The following VGLL4 variants were observed in gnomAD, a reference collection of about 807,000 sequenced individuals.
The protein encoded by VGLL4 is vestigial like family member 4.
Under a neutral mutation model 21.0 loss-of-function variants are expected in VGLL4, and 7 were observed. The observed-to-expected ratio is 0.33, with a 90% CI of 0.19 to 0.63. VGLL4 has a LOEUF of 0.63. Among genes scored for constraint, VGLL4 ranks in the 20% least tolerant of loss-of-function variants. The pLI, the probability that VGLL4 is intolerant of heterozygous loss-of-function variation, is 0.78. For synonymous variants in VGLL4, 222 were observed against 173.2 expected, an observed-to-expected ratio of 1.28 and a Z score of -2.21; for missense variants, 394 against 425.7, an observed-to-expected ratio of 0.93 and a Z score of 0.66.
Position 11,557,233 on chromosome 3 carries a change from A to AT in VGLL4, c.*1322dup. The stretch of plus-strand genomic sequence containing the variant: ...TAATTTCTAGTTAGTAGCTATTAAT[A>AT]TAGCAAATAATAAATGCAGTAATAA... On this transcript the variant is annotated 3_prime_UTR_variant, in exon 5 of 5. Coordinates refer to ENST00000430365, the MANE Select transcript of VGLL4 (RefSeq NM_001128219.3). 6.5e-6 allele frequency: 1 copy of AT among 152,826 alleles called. No individual in the cohort carries two copies. The highest frequency in any genetic ancestry group is 1.5e-5 in the Non-Finnish European group (1 of 68,054). 9.5% of individuals were successfully genotyped at this position (152,826 alleles called of 1,614,324 possible). A position where few individuals can be genotyped will look rare whatever the true frequency, so the allele number is the denominator to read the frequency against.
chr3:11,557,392 G>A lies in VGLL4; in HGVS notation c.*1164C>T, dbSNP rs1040361311. On this transcript the variant is annotated 3_prime_UTR_variant, in exon 5 of 5. Transcript: ENST00000430365. The stretch of plus-strand genomic sequence containing the variant: ...AGTTCAAAGGGAGCAGTTTCTGCAT[G>A]TAGGGAAGTTGGAAGACACAAACCC... 6.5e-6 allele frequency: 1 copy of A among 152,788 alleles called. No homozygotes were observed. The allele number at this position is 152,788 out of a possible 1,614,324, so 9.5% of individuals were successfully genotyped here.
At position 11,556,734 on chromosome 3, in the gene VGLL4, A is replaced by C. The variant is rs1270777617; in HGVS notation, c.*1822T>G. 6.5e-6 allele frequency: 1 copy of C among 152,836 alleles called. No individual in the cohort carries two copies. Among genetic ancestry groups the C allele is most frequent in the Non-Finnish European group, 1.5e-5 (1 of 68,052 alleles). 9.5% of individuals were successfully genotyped at this position (152,836 alleles called of 1,614,324 possible). A position where few individuals can be genotyped will look rare whatever the true frequency, so the allele number is the denominator to read the frequency against. Reference sequence around the variant, plus strand: ...AAAATACCTACAAATTTCTCTGTACATTCTTTACGCACAGCGTAACGATGG... The same window carrying C: ...AAAATACCTACAAATTTCTCTGTACCTTCTTTACGCACAGCGTAACGATGG... On this transcript the variant is annotated 3_prime_UTR_variant, in exon 5 of 5. Coordinates refer to ENST00000430365, the MANE Select transcript of VGLL4 (RefSeq NM_001128219.3).
intron 1 of VGLL4, among the ~76,000 whole-genome samples, chr3:11,634,467 G>A (rs2075547622): frequency 6.6e-6 from 1 of 152,128 alleles, no homozygotes; most frequent in Admixed American, 6.5e-5. Flanking sequence ...CAGTGCACCA[G>A]GTTCACATCC....
chr3:11,624,219 T>TCCC (rs2075313492), intron 1 of VGLL4, among the ~76,000 whole-genome samples: 1 of 152,198 alleles, frequency 6.6e-6, no homozygotes, highest in Non-Finnish European at 1.5e-5. Flanking sequence ...CCACGATATG[T>TCCC]CATTTTAGCG....
chr3:11,680,058 T>A (rs1426237298), intron 2 of VGLL4, among the ~76,000 whole-genome samples: 1 of 152,200 alleles, frequency 6.6e-6, no homozygotes, highest in Non-Finnish European at 1.5e-5. Flanking sequence ...AACTTTTCTA[T>A]GTTTAGATAC....
chr3:11,669,710 C>T (rs1041341356), intron 2 of VGLL4, among the ~76,000 whole-genome samples: 1 of 151,492 alleles, frequency 6.6e-6, no homozygotes. Context: ...CACAGGGTAT[C>T]GCTCTATAGC....
intron 2 of VGLL4, among the ~76,000 whole-genome samples, chr3:11,688,303 A>T (rs2076479891): frequency 1.3e-5 from 2 of 152,210 alleles, no homozygotes; most frequent in Non-Finnish European, 2.9e-5. Flanking sequence ...AGAAAGAATT[A>T]CAAAGTGCTC....
At chr3:11,622,822 G>A (rs1258597935) in intron 1 of VGLL4, among the ~76,000 whole-genome samples, 1 of 152,188 alleles carries the variant, frequency 6.6e-6, no homozygotes, top group Non-Finnish European at 1.5e-5. Flanking sequence ...GATGGCACGA[G>A]CTCTGTCAAA....
At chr3:11,605,942 T>G (rs7433453) in intron 1 of VGLL4, among the ~76,000 whole-genome samples, 1 of 152,082 alleles carries the variant, frequency 6.6e-6, no homozygotes, top group Non-Finnish European at 1.5e-5. Context: ...AGAGAAGATA[T>G]GAAAATAGCC....
chr3:11,666,612 G>A (rs2076130795), intron 2 of VGLL4, among the ~76,000 whole-genome samples: 2 of 152,208 alleles, frequency 1.3e-5, no homozygotes, highest in Non-Finnish European at 2.9e-5. Flanking sequence ...TGAGATGTGA[G>A]AGAAACAGAA....
At chr3:11,690,493 G>A (rs1459586852) in intron 2 of VGLL4, among the ~76,000 whole-genome samples, 2 of 151,964 alleles carry the variant, frequency 1.3e-5, no homozygotes, top group Non-Finnish European at 2.9e-5. Flanking sequence ...CTAGTACTTC[G>A]CTAGGAAACT....
At chr3:11,621,096 A>G (rs1356488278) in intron 1 of VGLL4, among the ~76,000 whole-genome samples, 3 of 152,354 alleles carry the variant, frequency 2.0e-5, no homozygotes, top group Non-Finnish European at 4.4e-5. Context: ...GCACACACAC[A>G]AAGAACTTTG....
chr3:11,688,645 T>C (rs753054380), intron 2 of VGLL4, among the ~76,000 whole-genome samples: 4 of 152,252 alleles, frequency 2.6e-5, no homozygotes, highest in Non-Finnish European at 5.9e-5. Context: ...GTTTAATTTA[T>C]TGATCTATTT....
At chr3:11,674,138 T>G (rs531362728) in intron 2 of VGLL4, among the ~76,000 whole-genome samples, 6 of 151,126 alleles carry the variant, frequency 4.0e-5, no homozygotes, top group Non-Finnish European at 8.8e-5. Flanking sequence ...CTGGGAATGC[T>G]ACACTCAATC....
intron 1 of VGLL4, among the ~76,000 whole-genome samples, chr3:11,618,516 T>C (rs2616556): frequency 0.42 from 63,536 of 151,984 alleles, 14,832 homozygotes; most frequent in South Asian, 0.61. Context: ...GTGTTCAGCA[T>C]AACCAAAGAA....
At chr3:11,709,432 G>A (rs11707550) in intron 1 of VGLL4, among the ~76,000 whole-genome samples, 65,640 of 133,696 alleles carry the variant, frequency 0.49, 15,672 homozygotes, top group Non-Finnish European at 0.54. Context: ...GCAAGACTCC[G>A]TCTAAAAAAA....
chr3:11,561,430 C>T (rs552424729), intron 3 of VGLL4, among the ~76,000 whole-genome samples: 4 of 152,182 alleles, frequency 2.6e-5, no homozygotes, highest in Admixed American at 6.5e-5. Flanking sequence ...TTGCCTTAAC[C>T]GGTCACCTGC....
chr3:11,642,797 T>G (rs1462300812), intron 1 of VGLL4, among the ~76,000 whole-genome samples: 1 of 152,118 alleles, frequency 6.6e-6, no homozygotes, highest in Non-Finnish European at 1.5e-5. Context: ...CGGGGTGTTG[T>G]GTAATCGCTC....
chr3:11,678,957 A>G (rs2076333094), intron 2 of VGLL4, among the ~76,000 whole-genome samples: 1 of 152,212 alleles, frequency 6.6e-6, no homozygotes, highest in Non-Finnish European at 1.5e-5. Flanking sequence ...GCAACGCCTT[A>G]CGTGTTTGAG....
Sources: gnomAD v4.1 joint callset for allele counts (sites outside exome capture counted in the v4.1 genomes callset) on GRCh38, gnomAD v4.1.1 for gene constraint, MANE v1.5 for transcripts, NCBI Gene and HGNC (gene_info 2026-07-23, HGNC 2026-07-21) for gene names.